The following NLRP11 variants were observed in gnomAD, a reference collection of about 807,000 sequenced individuals.
NLRP11 encodes NACHT, LRR and PYD domains-containing protein 11.
In NLRP11, 53 loss-of-function variants were observed where a neutral mutation model predicts 79.3. That is an observed-to-expected ratio of 0.67 (90% CI 0.54 to 0.84). The LOEUF is 0.84. Among genes scored for constraint, NLRP11 ranks in the 40% least tolerant of loss-of-function variants. NLRP11 has a pLI of 0.00. For missense variants in NLRP11, 1,264 were observed against 1,255.0 expected (o/e 1.01, Z -0.11); for synonymous variants, 518 against 462.6 (o/e 1.12, Z -1.54).
At chr19:55,795,200 A>G (rs1978710224) in intron 6 of NLRP11, among the ~76,000 whole-genome samples, 2 of 152,036 alleles carry the variant, frequency 1.3e-5, no homozygotes, top group Admixed American at 1.3e-4. Context: ...CTTTCTAGCC[A>G]CTTTCCCAGA....
chr19:55,821,201 T>TCA (rs1425868256), intron 1 of NLRP11, among the ~76,000 whole-genome samples: 212 of 89,390 alleles, frequency 2.4e-3, no homozygotes, highest in East Asian at 4.9e-3. Context: ...TCTCTCTCTC[T>TCA]CTCTCACACA....
chr19:55,792,266 AAC>A, intron 7 of NLRP11, 33 bp downstream of exon 7: 2 of 1,589,328 alleles, frequency 1.3e-6, no homozygotes, highest in Non-Finnish European at 1.7e-6. Flanking sequence ...ATGCAGTAGA[AAC>A]ACAGTCATCC....
chr19:55,834,146 A>G (rs1983037842), upstream of NLRP11, among the ~76,000 whole-genome samples: 1 of 152,220 alleles, frequency 6.6e-6, no homozygotes, highest in Admixed American at 6.5e-5. Flanking sequence ...GATCAATTTG[A>G]TTTCATTTAA....
intron 2 of NLRP11, among the ~76,000 whole-genome samples, chr19:55,814,124 G>C (rs867435260): frequency 3.4e-4 from 52 of 152,240 alleles, no homozygotes; most frequent in African/African-American, 1.2e-3. Flanking sequence ...CCTCCTGTCA[G>C]ATCAGTGGGA....
chr19:55,821,249 A>ACCCCC (rs72006711), intron 1 of NLRP11, among the ~76,000 whole-genome samples: 4 of 124,378 alleles, frequency 3.2e-5, no homozygotes, highest in African/African-American at 1.2e-4. Context: ...ACACACACAC[A>ACCCCC]CCCCAAGCAC....
intron 7 of NLRP11, among the ~76,000 whole-genome samples, chr19:55,789,997 C>T (rs755753424): frequency 2.0e-5 from 3 of 152,120 alleles, no homozygotes; most frequent in Admixed American, 6.6e-5. Flanking sequence ...TGTTGATTCT[C>T]GAGCACAGTT....
chr19:55,833,808 G>A (rs1273196477), upstream of NLRP11, among the ~76,000 whole-genome samples: 1 of 146,928 alleles, frequency 6.8e-6, no homozygotes, highest in East Asian at 2.0e-4. Flanking sequence ...TTGGCACACG[G>A]ATGAACAAAT....
intron 5 of NLRP11, among the ~76,000 whole-genome samples, chr19:55,797,784 A>G (rs2616942): frequency 0.81 from 122,485 of 152,028 alleles, 49,388 homozygotes; most frequent in Admixed American, 0.88. Context: ...AAGAATTTTA[A>G]CAGAAACTTG....
chr19:55,810,272 A>C, exon 3 of NLRP11: 3 of 1,614,028 alleles, frequency 1.9e-6, no homozygotes, highest in Non-Finnish European at 2.5e-6. Flanking sequence ...AAATTTTCCA[A>C]AAGTGTGACT....
At chr19:55,827,463 T>A (rs1450754977) in intron 1 of NLRP11, among the ~76,000 whole-genome samples, 2 of 150,656 alleles carry the variant, frequency 1.3e-5, no homozygotes. Flanking sequence ...GAAACTACCA[T>A]CAGAGTCAAC....
rs1452326148 is a variant in NLRP11, at chr19:55,823,472, G to A, written c.-62-5236C>T. Among the ~76,000 whole-genome samples, 17 of 137,640 alleles carry A rather than the reference G, an allele frequency of 1.2e-4. 1 individual carries two copies. The highest frequency in any genetic ancestry group is 3.0e-4 in the Admixed American group (4 of 13,466). 90.3% of individuals were successfully genotyped at this position (137,640 alleles called of 152,430 possible). The stretch of plus-strand genomic sequence containing the variant: ...AGACGATCAAATTACTCTGAGCTAC[G>A]GGAGGACATTCAAACCAAAGGCAAA... On this transcript the variant is annotated intron_variant, in intron 1 of 9. Coordinates refer to ENST00000589093, the Ensembl canonical transcript of NLRP11.
chr19:55,787,627 G>T (rs1989962822), intron 9 of NLRP11, among the ~76,000 whole-genome samples: 1 of 152,200 alleles, frequency 6.6e-6, no homozygotes, highest in South Asian at 2.1e-4. Context: ...ATGAACCACA[G>T]CACCTGGCCA....
chr19:55,813,939 A>G (rs1467838278), intron 2 of NLRP11, among the ~76,000 whole-genome samples: 1 of 152,292 alleles, frequency 6.6e-6, no homozygotes, highest in South Asian at 2.1e-4. Context: ...GTAAAGGGTA[A>G]TAAGAGATTA....
At chr19:55,806,067 C>G (rs1420679148) in intron 4 of NLRP11, among the ~76,000 whole-genome samples, 1 of 152,206 alleles carries the variant, frequency 6.6e-6, no homozygotes, top group African/African-American at 2.4e-5. Flanking sequence ...TTTACTTTAC[C>G]TTCTAGCCTA....
At chr19:55,793,556 C>A (rs866966994) in intron 6 of NLRP11, among the ~76,000 whole-genome samples, 1,386 of 35,744 alleles carry the variant, frequency 0.039, 26 homozygotes, top group Non-Finnish European at 0.05. Flanking sequence ...TGACTGTCTC[C>A]AAAAAAAAAA....
intron 6 of NLRP11, among the ~76,000 whole-genome samples, chr19:55,794,576 C>T (rs1014725253): frequency 1.4e-4 from 21 of 151,992 alleles, no homozygotes; most frequent in African/African-American, 3.6e-4. Context: ...CTGGCTGACA[C>T]GGTGAAACCC....
chr19:55,818,735 T>C (rs1981382878), intron 1 of NLRP11, among the ~76,000 whole-genome samples: 1 of 152,012 alleles, frequency 6.6e-6, no homozygotes, highest in Non-Finnish European at 1.5e-5. Flanking sequence ...GAGGCAACTG[T>C]TATAATAAGC....
At chr19:55,785,856 G>T in exon 10 of NLRP11, 1 of 1,613,206 alleles carries the variant, frequency 6.2e-7, no homozygotes, top group Non-Finnish European at 8.5e-7. Flanking sequence ...GTGTGTTCAG[G>T]CCAGTTAATG....
intron 5 of NLRP11, among the ~76,000 whole-genome samples, chr19:55,798,753 C>T (rs1230714038): frequency 1.4e-5 from 2 of 143,222 alleles, no homozygotes; most frequent in Non-Finnish European, 3.0e-5. Context: ...CACACACACT[C>T]ACACACACAC....
Sources: allele counts gnomAD v4.1 joint callset (sites outside exome capture counted in the v4.1 genomes callset), GRCh38; gene constraint gnomAD v4.1.1; transcripts MANE v1.5; gene names NCBI Gene and HGNC (gene_info 2026-07-23, HGNC 2026-07-21).